The following PHF21B variants were observed in gnomAD, a reference collection of about 807,000 sequenced individuals.
The protein encoded by PHF21B is PHD finger protein 21B.
A neutral mutation model predicts 62.2 loss-of-function variants in PHF21B; 22 were observed. The ratio of observed to expected loss-of-function variants is 0.35; its 90% CI spans 0.25 to 0.51. The LOEUF (loss-of-function observed/expected upper bound fraction) is 0.51. Ranked by LOEUF, PHF21B falls within the 20% of genes least tolerant of loss-of-function variation. PHF21B has a pLI of 0.97. For synonymous variants in PHF21B, 341 were observed against 314.7 expected (o/e 1.08, Z -0.88); for missense variants, 701 against 707.9 (o/e 0.99, Z 0.11).
chr22:45,005,526 A>G (rs2073299989), intron 2 of PHF21B, among the ~76,000 whole-genome samples: 1 of 152,250 alleles, frequency 6.6e-6, no homozygotes, highest in Non-Finnish European at 1.5e-5. Context: ...ATCTACCACT[A>G]TGAGTCCTTT....
At chr22:44,928,812 C>T (rs945309390) in intron 2 of PHF21B, among the ~76,000 whole-genome samples, 3 of 152,234 alleles carry the variant, frequency 2.0e-5, no homozygotes, top group Non-Finnish European at 4.4e-5. Flanking sequence ...GAGACCCTCA[C>T]TGGACAAGGG....
chr22:44,966,343 C>A (rs1373878629), intron 2 of PHF21B, among the ~76,000 whole-genome samples: 1 of 152,226 alleles, frequency 6.6e-6, no homozygotes, highest in Non-Finnish European at 1.5e-5. Context: ...CGGGTGCAGG[C>A]ACTTGCCCAA....
At chr22:44,979,222 G>C (rs2072792952) in intron 2 of PHF21B, among the ~76,000 whole-genome samples, 3 of 152,246 alleles carry the variant, frequency 2.0e-5, no homozygotes, top group Admixed American at 6.5e-5. Flanking sequence ...GTGGGGTACA[G>C]GGAGGAGGTG....
At chr22:44,892,395 C>CA (rs1422082376) in intron 7 of PHF21B, among the ~76,000 whole-genome samples, 2 of 152,262 alleles carry the variant, frequency 1.3e-5, no homozygotes, top group Non-Finnish European at 2.9e-5. Flanking sequence ...GCTCTCCCCA[C>CA]AGACAGGGCA....
At chr22:44,981,373 T>A (rs1386003602) in intron 2 of PHF21B, among the ~76,000 whole-genome samples, 1 of 152,140 alleles carries the variant, frequency 6.6e-6, no homozygotes. Context: ...ACCTCTGCAC[T>A]CCCCGCCTCA....
intron 2 of PHF21B, among the ~76,000 whole-genome samples, chr22:44,977,031 G>A (rs1601669113): frequency 6.6e-6 from 1 of 152,174 alleles, no homozygotes; most frequent in Non-Finnish European, 1.5e-5. Context: ...TACTAGGGAG[G>A]CTGACCTGGG....
intron 2 of PHF21B, among the ~76,000 whole-genome samples, chr22:44,925,778 T>C (rs1172315576): frequency 3.3e-5 from 5 of 152,060 alleles, no homozygotes; most frequent in African/African-American, 1.2e-4. Flanking sequence ...GTTATGGGGA[T>C]TGTCCTCCCC....
At chr22:44,955,693 T>G (rs1331506406) in intron 2 of PHF21B, among the ~76,000 whole-genome samples, 1 of 152,110 alleles carries the variant, frequency 6.6e-6, no homozygotes, top group Non-Finnish European at 1.5e-5. Flanking sequence ...GGCCTTAGAT[T>G]TGGACTGAAT....
rs1014954859 is a variant in PHF21B, at chr22:44,978,763, G to A, written c.120+29782C>T. On this transcript the variant is annotated intron_variant, in intron 2 of 12. Transcript: ENST00000313237. ...TTCTACTACACCTGCCCAATCTCCT[G>A]GCTCCCGTAGGAGCTAACCAATCTC... 2.6e-4 allele frequency among the ~76,000 whole-genome samples: 39 copies of A among 152,282 alleles called. 1 individual carries two copies. The highest frequency in any genetic ancestry group is 8.7e-4 in the African/African-American group (36 of 41,550).
At chr22:44,900,042 G>T (rs2071129555) in intron 5 of PHF21B, among the ~76,000 whole-genome samples, 1 of 152,068 alleles carries the variant, frequency 6.6e-6, no homozygotes, top group African/African-American at 2.4e-5. Flanking sequence ...TTCATTTAAA[G>T]TCCCAACTGC....
intron 5 of PHF21B, among the ~76,000 whole-genome samples, chr22:44,896,924 A>G: frequency 8.3e-6 from 1 of 120,432 alleles, no homozygotes; most frequent in Non-Finnish European, 1.6e-5. Context: ...TGTCACCCAG[A>G]CTGGAGTGCA....
chr22:44,914,359 C>G (rs1448978572), intron 4 of PHF21B, among the ~76,000 whole-genome samples: 1 of 152,216 alleles, frequency 6.6e-6, no homozygotes, highest in Non-Finnish European at 1.5e-5. Flanking sequence ...CCTGCCCCAC[C>G]GCTTCCCAGC....
chr22:44,912,392 G>C (rs539983379), intron 5 of PHF21B, among the ~76,000 whole-genome samples: 3 of 152,270 alleles, frequency 2.0e-5, no homozygotes, highest in African/African-American at 7.2e-5. Flanking sequence ...ATCTCATCTT[G>C]AATTCCCACA....
chr22:44,966,566 G>T (rs1031024023), intron 2 of PHF21B, among the ~76,000 whole-genome samples: 17 of 152,126 alleles, frequency 1.1e-4, no homozygotes, highest in Non-Finnish European at 2.2e-4. Flanking sequence ...ACAGGTCAAG[G>T]CCAGGCAGGT....
chr22:44,970,193 A>G (rs994958033), intron 2 of PHF21B, among the ~76,000 whole-genome samples: 1 of 152,262 alleles, frequency 6.6e-6, no homozygotes, highest in African/African-American at 2.4e-5. Flanking sequence ...CTAGGAAGAA[A>G]GATTAAAAGC....
intron 2 of PHF21B, among the ~76,000 whole-genome samples, chr22:44,981,618 A>C (rs1395818369): frequency 1.3e-5 from 2 of 152,252 alleles, no homozygotes; most frequent in African/African-American, 4.8e-5. Flanking sequence ...TTTGTGCATC[A>C]GTGAAGAGTG....
chr22:45,007,816 C>A lies in PHF21B; in HGVS notation c.120+729G>T, dbSNP rs1054045536. 1.6e-4 allele frequency among the ~76,000 whole-genome samples: 24 copies of A among 151,136 alleles called. 1 individual carries two copies. The highest frequency in any genetic ancestry group is 2.6e-4 in the Admixed American group (4 of 15,242). On this transcript the variant is annotated intron_variant, in intron 2 of 12. Transcript: ENST00000313237. The stretch of plus-strand genomic sequence containing the variant: ...GGGCGCGCGGCCGGCCGGGCTCTGG[C>A]GGCGGCATCTGTTCGTGGTGCTGAA...
intron 12 of PHF21B, among the ~76,000 whole-genome samples, chr22:44,884,128 T>TCAG: frequency 5.8e-5 from 4 of 68,542 alleles, no homozygotes; most frequent in South Asian, 3.5e-4. Flanking sequence ...ACCATCATGA[T>TCAG]CACCATTATC....
chr22:44,929,952 G>C (rs2071708041), intron 2 of PHF21B, among the ~76,000 whole-genome samples: 1 of 152,212 alleles, frequency 6.6e-6, no homozygotes, highest in Non-Finnish European at 1.5e-5. Flanking sequence ...TGCAGCACCT[G>C]CAACCAGGCA....
Sources: allele counts gnomAD v4.1 joint callset (sites outside exome capture counted in the v4.1 genomes callset), GRCh38; gene constraint gnomAD v4.1.1; transcripts MANE v1.5; gene names NCBI Gene and HGNC (gene_info 2026-07-23, HGNC 2026-07-21).